The following HERC1 variants were observed in gnomAD, a reference collection of about 807,000 sequenced individuals.
HERC1 encodes the protein HECT and RLD domain containing E3 ubiquitin protein ligase family member 1.
A neutral mutation model predicts 554.3 loss-of-function variants in HERC1; 160 were observed. The observed-to-expected ratio is 0.29, with a 90% CI of 0.25 to 0.33. The LOEUF (loss-of-function observed/expected upper bound fraction) is 0.33, where lower values mean the gene tolerates loss of function less well. HERC1 is among the 10% of genes least tolerant of loss of function. HERC1 has a pLI of 1.00. For synonymous variants in HERC1, 2,175 were observed against 2,131.7 expected (o/e 1.02, Z -0.56); for missense variants, 4,919 against 5,918.5 (o/e 0.83, Z 5.54).
At chr15:63,819,723 T>A (rs1410480401) in intron 1 of HERC1, among the ~76,000 whole-genome samples, 1 of 152,186 alleles carries the variant, frequency 6.6e-6, no homozygotes, top group Non-Finnish European at 1.5e-5. Flanking sequence ...CCTGCCCACA[T>A]GACAATACTT....
intron 70 of HERC1, among the ~76,000 whole-genome samples, chr15:63,627,873 T>C (rs2068371113): frequency 1.3e-5 from 2 of 152,178 alleles, no homozygotes; most frequent in African/African-American, 2.4e-5. Flanking sequence ...AAAAATTTCA[T>C]AATAAATTAA....
At chr15:63,744,495 T>C (rs1002675744) in intron 12 of HERC1, among the ~76,000 whole-genome samples, 3 of 151,520 alleles carry the variant, frequency 2.0e-5, no homozygotes, top group African/African-American at 7.3e-5. Flanking sequence ...GGGACTAGAG[T>C]CAAAAACCTT....
At chr15:63,833,521 G>A (rs1027506021) in intron 1 of HERC1, among the ~76,000 whole-genome samples, 3 of 152,094 alleles carry the variant, frequency 2.0e-5, no homozygotes, top group Non-Finnish European at 2.9e-5. Flanking sequence ...TAAGCCGCTG[G>A]AGGGGCGGGT....
At chr15:63,712,546 A>G (rs1215952438) in intron 24 of HERC1, among the ~76,000 whole-genome samples, 1 of 152,262 alleles carries the variant, frequency 6.6e-6, no homozygotes, top group African/African-American at 2.4e-5. Flanking sequence ...ATGTCCATCA[A>G]AGAGTCAGAT....
rs756563975 is a variant in HERC1 at position 63,654,263 on chromosome 15, C to T, written c.10146G>A (p.Gln3382=). The T allele has an allele frequency of 3.7e-6, 6 of 1,614,032 alleles. No homozygotes were observed. Among genetic ancestry groups the T allele is most frequent in the Admixed American group, 1.7e-5 (1 of 60,030 alleles). The change falls in exon 51 of 78, where the codon CAG becomes CAA. Residue 3382 remains glutamine (Q), a synonymous_variant. Coordinates refer to ENST00000443617, the MANE Select transcript of HERC1 (RefSeq NM_003922.4). ...GTTGCTGAGCTGCCCATTGCCGATG[C>T]TGTGAGGACAGCCTGGAGGAGAGGC... is the stretch of plus-strand genomic sequence containing the variant. ...ACCLSSRLSS[Q]HRQWAAQQLV...
intron 1 of HERC1, among the ~76,000 whole-genome samples, chr15:63,794,433 G>A (rs1456032183): frequency 6.6e-6 from 1 of 151,950 alleles, no homozygotes; most frequent in East Asian, 1.9e-4. Context: ...CTCAATCTTT[G>A]GCCCTTCTTT....
chr15:63,634,231 A>T (rs1319833275), intron 66 of HERC1, among the ~76,000 whole-genome samples: 1 of 152,264 alleles, frequency 6.6e-6, no homozygotes, highest in Non-Finnish European at 1.5e-5. Flanking sequence ...AAGATAGAGG[A>T]AAAGTATACA....
At chr15:63,790,213 T>C (rs2076597211) in intron 1 of HERC1, among the ~76,000 whole-genome samples, 1 of 152,224 alleles carries the variant, frequency 6.6e-6, no homozygotes, top group Non-Finnish European at 1.5e-5. Flanking sequence ...TAAGCTGCTA[T>C]TATGATCATT....
At chr15:63,766,812 G>C (rs2142575911) in intron 2 of HERC1, among the ~76,000 whole-genome samples, 1 of 152,076 alleles carries the variant, frequency 6.6e-6, no homozygotes, top group South Asian at 2.1e-4. Context: ...CGAGTAGCTG[G>C]GATTACAGGC....
intron 12 of HERC1, among the ~76,000 whole-genome samples, chr15:63,742,932 C>A (rs1187407911): frequency 6.6e-6 from 1 of 152,092 alleles, no homozygotes; most frequent in African/African-American, 2.4e-5. Flanking sequence ...AATAGCTGGT[C>A]TATAGTTTTT....
rs74020813 is a variant in HERC1, at chr15:63,638,166, C to A, written c.12093+245G>T. 0.011 allele frequency among the ~76,000 whole-genome samples: 1,624 copies of A among 152,212 alleles called. 28 individuals are homozygous for A. Among genetic ancestry groups the A allele is most frequent in the African/African-American group, 0.037 (1,550 of 41,518 alleles). On this transcript the variant is annotated intron_variant, in intron 63 of 77. Transcript: ENST00000443617. The stretch of plus-strand genomic sequence containing the variant: ...TAAACTGCTAGAAATACATACTGGG[C>A]AGGCCTAACACATCATGATGTTAGT...
rs548038513 is a variant in HERC1, at chr15:63,827,822, C to T, written c.-27+6005G>A. ...TTCAGTTATCAAAAGGAATGAAGTA[C>T]TGATACATGCTACAACATGGATGAA... On this transcript the variant is annotated intron_variant, in intron 1 of 77. Transcript: ENST00000443617. 6.6e-5 allele frequency among the ~76,000 whole-genome samples: 10 copies of T among 152,304 alleles called. No individual in the cohort carries two copies. The East Asian group carries it at 1.7e-3, about 26-fold the overall frequency.
chr15:63,809,076 C>T (rs1567149439), intron 1 of HERC1, among the ~76,000 whole-genome samples: 2 of 151,976 alleles, frequency 1.3e-5, no homozygotes, highest in Non-Finnish European at 2.9e-5. Flanking sequence ...AGAATACTTA[C>T]ATATGAGTAT....
chr15:63,631,221 CT>C (rs1405660065), intron 68 of HERC1, among the ~76,000 whole-genome samples: 4 of 152,208 alleles, frequency 2.6e-5, no homozygotes, highest in African/African-American at 7.2e-5. Context: ...AACCTCTCCC[CT>C]TACCTTGCCA....
chr15:63,757,600 A>G (rs571336869), intron 4 of HERC1, among the ~76,000 whole-genome samples: 4 of 152,050 alleles, frequency 2.6e-5, no homozygotes, highest in Non-Finnish European at 5.9e-5. Context: ...TGTGGTGAAC[A>G]TAACGGTAAA....
intron 1 of HERC1, among the ~76,000 whole-genome samples, chr15:63,783,108 A>G (rs560427302): frequency 6.6e-6 from 1 of 152,368 alleles, no homozygotes; most frequent in Non-Finnish European, 1.5e-5. Flanking sequence ...AATTTAATTG[A>G]TAATGCAGTA....
chr15:63,739,519 T>G (rs534254050), intron 12 of HERC1, among the ~76,000 whole-genome samples: 16 of 152,034 alleles, frequency 1.1e-4, no homozygotes, highest in Non-Finnish European at 2.9e-5. Flanking sequence ...GCTATGGACT[T>G]GCTTACTCTG....
intron 1 of HERC1, among the ~76,000 whole-genome samples, chr15:63,781,162 CAG>C (rs2076278708): frequency 1.3e-5 from 2 of 152,154 alleles, no homozygotes; most frequent in African/African-American, 4.8e-5. Flanking sequence ...TTACTACAAG[CAG>C]AGTTATAAAA....
chr15:63,777,621 G>C (rs1053392039), intron 1 of HERC1, among the ~76,000 whole-genome samples: 3 of 152,092 alleles, frequency 2.0e-5, no homozygotes, highest in Admixed American at 6.6e-5. Flanking sequence ...ACTTGTAAAA[G>C]TTTTTTGTAT....
Sources: gnomAD v4.1 joint callset for allele counts (sites outside exome capture counted in the v4.1 genomes callset) on GRCh38, gnomAD v4.1.1 for gene constraint, MANE v1.5 for transcripts, NCBI Gene and HGNC (gene_info 2026-07-23, HGNC 2026-07-21) for gene names.